Variants in ADCY5 observed in about 807,000 individuals in gnomAD.
The protein encoded by ADCY5 is adenylate cyclase type 5.
Under a neutral mutation model 119.7 loss-of-function variants are expected in ADCY5, and 30 were observed. The ratio of observed to expected loss-of-function variants is 0.25; its 90% CI spans 0.19 to 0.34. The LOEUF (loss-of-function observed/expected upper bound fraction) is 0.34. ADCY5 is among the 10% of genes least tolerant of loss of function. The pLI is 1.00. For missense variants in ADCY5, 1,324 were observed against 1,775.2 expected, an observed-to-expected ratio of 0.75 and a Z score of 4.57; for synonymous variants, 753 against 762.2, an observed-to-expected ratio of 0.99 and a Z score of 0.20.
At chr3:123,340,132 A>C (rs528172446) in intron 3 of ADCY5, among the ~76,000 whole-genome samples, 13 of 151,994 alleles carry the variant, frequency 8.6e-5, no homozygotes, top group African/African-American at 1.2e-4. Context: ...TCTGCAAAAA[A>C]AATTTAAAAA....
At chr3:123,362,650 C>CTAG (rs1376613898) in intron 1 of ADCY5, among the ~76,000 whole-genome samples, 7 of 152,144 alleles carry the variant, frequency 4.6e-5, no homozygotes, top group African/African-American at 1.4e-4. Flanking sequence ...CCACCTTGCC[C>CTAG]TCTAGGACTC....
At chr3:123,348,047 G>GTA in intron 2 of ADCY5, 144 bp from the exon 3 acceptor site, 1 of 710,476 alleles carries the variant, frequency 1.4e-6, no homozygotes, top group Non-Finnish European at 2.4e-6. Flanking sequence ...GTGTGTGTGT[G>GTA]TGTGTGTGTG....
intron 1 of ADCY5, among the ~76,000 whole-genome samples, chr3:123,407,987 A>T (rs1239480697): frequency 6.6e-6 from 1 of 151,902 alleles, no homozygotes; most frequent in Non-Finnish European, 1.5e-5. Context: ...ACAGAGGTGG[A>T]AAATTGAATT....
intron 10 of ADCY5, among the ~76,000 whole-genome samples, chr3:123,318,961 T>A (rs1335363858): frequency 6.6e-6 from 1 of 152,190 alleles, no homozygotes; most frequent in Non-Finnish European, 1.5e-5. Flanking sequence ...GGTCCCAATG[T>A]GACAAAGCAG....
intron 1 of ADCY5, among the ~76,000 whole-genome samples, chr3:123,358,503 G>A (rs1943124512): frequency 6.6e-6 from 1 of 152,216 alleles, no homozygotes. Context: ...GGGAGGCTGA[G>A]GCAGGAGGAT....
intron 5 of ADCY5, 98 bp from the exon 6 acceptor site, chr3:123,328,900 G>T (rs1941623812): frequency 3.2e-6 from 4 of 1,246,236 alleles, no homozygotes; most frequent in Admixed American, 4.1e-5. Context: ...AGGTGCGGGG[G>T]TCAAAGAGTC....
chr3:123,396,418 A>AGAGG (rs148106615), intron 1 of ADCY5, among the ~76,000 whole-genome samples: 1 of 132,290 alleles, frequency 7.6e-6, no homozygotes, highest in Non-Finnish European at 1.6e-5. Flanking sequence ...AAAGAGAGAG[A>AGAGG]GAGGGAGGGA....
intron 1 of ADCY5, among the ~76,000 whole-genome samples, chr3:123,431,214 C>T (rs1046516659): frequency 6.6e-6 from 1 of 152,154 alleles, no homozygotes; most frequent in African/African-American, 2.4e-5. Flanking sequence ...TAGTTTACAG[C>T]GGAGTCAAAG....
At chr3:123,439,984 G>A (rs1451979926) in intron 1 of ADCY5, among the ~76,000 whole-genome samples, 2 of 152,226 alleles carry the variant, frequency 1.3e-5, no homozygotes, top group Non-Finnish European at 2.9e-5. Context: ...TGGAAGCCCT[G>A]CTCAGAGTTT....
chr3:123,304,270 G>T (rs1429271516), intron 12 of ADCY5, 87 bp from the exon 13 acceptor site: 7 of 868,036 alleles, frequency 8.1e-6, no homozygotes, highest in Non-Finnish European at 1.3e-5. Flanking sequence ...CGGGAGTGCA[G>T]TGGACCCACC....
chr3:123,296,890 G>T, intron 16 of ADCY5: 2 of 1,095,384 alleles, frequency 1.8e-6, no homozygotes, highest in Non-Finnish European at 2.6e-6. Context: ...CCCCTGGAAG[G>T]CTGCACAGAG....
At chr3:123,445,387 C>A (rs1216194028) in intron 1 of ADCY5, among the ~76,000 whole-genome samples, 1 of 151,302 alleles carries the variant, frequency 6.6e-6, no homozygotes, top group East Asian at 1.9e-4. Flanking sequence ...ACTCCAACCC[C>A]CCTCAGGAGA....
In ADCY5 at chr3:123,304,191, G is replaced by C. The variant is rs1199444738; in HGVS notation, c.2443-8C>G. On this transcript the variant is annotated splice_region_variant and splice_polypyrimidine_tract_variant and intron_variant, in intron 12 of 20. Coordinates refer to ENST00000462833, the MANE Select transcript of ADCY5 (RefSeq NM_183357.3). ...CAGTGGGGAGGGGAAGAGCTAGGGT[G>C]GGGGCAGGGGTGGAGAGGGAGGGAG... 2.7e-6 allele frequency: 4 copies of C among 1,487,952 alleles called. No homozygotes were observed. The African/African-American group carries it at 5.5e-5, about 21-fold the overall frequency. 92.2% of individuals were successfully genotyped at this position (1,487,952 alleles called of 1,614,324 possible).
chr3:123,359,813 A>C (rs1049490485), intron 1 of ADCY5, among the ~76,000 whole-genome samples: 2 of 152,186 alleles, frequency 1.3e-5, no homozygotes, highest in African/African-American at 4.8e-5. Flanking sequence ...GTTTACAAAC[A>C]CATAAAACTA....
At chr3:123,341,074 A>C (rs113144710) in intron 3 of ADCY5, among the ~76,000 whole-genome samples, 5,512 of 152,132 alleles carry the variant, frequency 0.036, 151 homozygotes, top group Middle Eastern at 0.092. Flanking sequence ...GCAGTGAGCC[A>C]AGATCATGCC....
In ADCY5 at chr3:123,286,628, G is replaced by A. The variant is rs192847448; in HGVS notation, c.3657+57C>T. The A allele has an allele frequency of 5.9e-6, 9 of 1,527,686 alleles. No homozygotes were observed. The African/African-American group carries it at 6.9e-5, about 12-fold the overall frequency. The allele number at this position is 1,527,686 out of a possible 1,614,324, so 94.6% of individuals were successfully genotyped here. On this transcript the variant is annotated intron_variant, in intron 20 of 20. Transcript: ENST00000462833. This position sits in a 1 kb window ranked among gnomAD's most constrained non-coding sequence, Gnocchi z 4.2. ...AGGTGGCCTGCCCTGAAGACCTCTC[G>A]GTGTCAGACACAGGACCTCCCATGG...
chr3:123,378,354 G>A (rs957046655), intron 1 of ADCY5, among the ~76,000 whole-genome samples: 3 of 151,990 alleles, frequency 2.0e-5, no homozygotes, highest in African/African-American at 7.3e-5. Context: ...AGTCAGAACA[G>A]GTGAGACCAC....
intron 17 of ADCY5, among the ~76,000 whole-genome samples, chr3:123,293,477 A>T (rs1156351973): frequency 6.6e-6 from 1 of 152,000 alleles, no homozygotes; most frequent in African/African-American, 2.4e-5. Context: ...TGAGGGAGAG[A>T]AGTTGCCACA....
chr3:123,358,946 TCTCTGAGTTTTCAGGGGGCTCCATGGGCC>T (rs1273466275), intron 1 of ADCY5, among the ~76,000 whole-genome samples: 2 of 152,092 alleles, frequency 1.3e-5, no homozygotes, highest in Non-Finnish European at 1.5e-5. Flanking sequence ...CTGCCTCTCC[TCTCTGAGTTTTCAGGGGGCTCCATGGGCC>T]CACTGCAACA....
Sources: gnomAD v4.1 joint callset for allele counts (sites outside exome capture counted in the v4.1 genomes callset) on GRCh38, gnomAD v4.1.1 for gene constraint, Gnocchi (gnomAD v3.1) non-coding constraint, MANE v1.5 for transcripts, NCBI Gene and HGNC (gene_info 2026-07-23, HGNC 2026-07-21) for gene names.